The following NOXRED1 variants were observed in gnomAD, a reference collection of about 807,000 sequenced individuals.
The protein encoded by NOXRED1 is NADP-dependent oxidoreductase domain-containing protein 1.
Under a neutral mutation model 30.4 loss-of-function variants are expected in NOXRED1, and 20 were observed. That is an observed-to-expected ratio of 0.66 (90% confidence interval 0.46 to 0.96). The LOEUF is 0.96. Ranked by LOEUF, NOXRED1 falls within the 40% of genes least tolerant of loss-of-function variation. The pLI is 0.00. For missense variants in NOXRED1, 374 were observed against 428.0 expected (o/e 0.87, Z 1.11); for synonymous variants, 155 against 168.0 (o/e 0.92, Z 0.60).
rs1657122172 is a variant in NOXRED1, at chr14:77,423,068, C to G, written c.-179G>C. ...CAGATTCTGAATTTGGAATTCACCT[C>G]TCTTGAATTCACACTCTAGAGTGTG... On this transcript the variant is annotated 5_prime_UTR_variant, in exon 1 of 6. Transcript: ENST00000380835. 1 of 579,518 alleles carries G rather than the reference C, an allele frequency of 1.7e-6. No individual in the cohort carries two copies. The highest frequency in any genetic ancestry group is 3.3e-5 in the Admixed American group (1 of 29,980). 35.9% of individuals were successfully genotyped at this position (579,518 alleles called of 1,614,324 possible). A position where few individuals can be genotyped will look rare whatever the true frequency, so the allele number is the denominator to read the frequency against.
chr14:77,419,543 G>C (rs1359839220), intron 1 of NOXRED1, among the ~76,000 whole-genome samples: 4 of 149,998 alleles, frequency 2.7e-5, no homozygotes, highest in Non-Finnish European at 5.9e-5. Context: ...CCGCCTCCCG[G>C]GTTCACGCCA....
upstream of NOXRED1, among the ~76,000 whole-genome samples, chr14:77,423,687 G>C (rs1895059449): frequency 6.6e-6 from 1 of 152,116 alleles, no homozygotes; most frequent in Admixed American, 6.5e-5. Flanking sequence ...TACTACACTA[G>C]AGCAGTATGA....
At position 77,422,933 on chromosome 14, in the gene NOXRED1, G is replaced by A; in HGVS notation, c.-44C>T. Reference sequence around the variant, plus strand: ...TGCAGTGATAGACACTAATCAATTTGGCTCCCTGTCCCGGTAGAAGAGGGG... The same window carrying A: ...TGCAGTGATAGACACTAATCAATTTAGCTCCCTGTCCCGGTAGAAGAGGGG... On this transcript the variant is annotated 5_prime_UTR_variant, in exon 1 of 6. Coordinates refer to ENST00000380835, the MANE Select transcript of NOXRED1 (RefSeq NM_001113475.3). The A allele has an allele frequency of 1.3e-6, 2 of 1,562,588 alleles. No individual in the cohort carries two copies. The highest frequency in any genetic ancestry group is 1.7e-6 in the Non-Finnish European group (2 of 1,146,638).
At chr14:77,401,031 CA>C (rs774074880) in intron 5 of NOXRED1, among the ~76,000 whole-genome samples, 18 of 152,142 alleles carry the variant, frequency 1.2e-4, no homozygotes, top group Non-Finnish European at 2.6e-4. Flanking sequence ...AACGCAATGC[CA>C]ATCAAAATCC....
Position 77,394,696 on chromosome 14 carries a change from C to T in NOXRED1, c.1015G>A (p.Ala339Thr). The change falls in exon 6 of 6, where the codon GCT (alanine) becomes ACT (threonine). Residue 339 changes from alanine to threonine, a missense_variant. Ala to Thr is a moderately conservative substitution (Grantham distance 58). Transcript: ENST00000380835. ...TTGGTTAGGGAGATGCCAAATGAAG[C>T]ACAGTATAGATGGGTAAGGTGGTCT... Reference protein sequence around the residue: ...LQDHLTHLYCASFGISLTKEQ... With the variant: ...LQDHLTHLYCTSFGISLTKEQ... 1 of 1,613,240 alleles carries T rather than the reference C, an allele frequency of 6.2e-7. No individual in the cohort carries two copies.
At position 77,394,518 on chromosome 14, in the gene NOXRED1, A is replaced by G. The variant is rs1437605244; in HGVS notation, c.*113T>C. 4 of 707,040 alleles carry G rather than the reference A, an allele frequency of 5.7e-6. No homozygotes were observed. The highest frequency in any genetic ancestry group is 9.6e-6 in the Non-Finnish European group (4 of 418,106). The allele number at this position is 707,040 out of a possible 1,614,324, so 43.8% of individuals were successfully genotyped here. On this transcript the variant is annotated 3_prime_UTR_variant, in exon 6 of 6. Coordinates refer to ENST00000380835, the MANE Select transcript of NOXRED1 (RefSeq NM_001113475.3). ...AGTTTTATAATTCCTGATGTCTATC[A>G]TGTGGCAAACACAATACAGCCACAA...
intron 2 of NOXRED1, among the ~76,000 whole-genome samples, chr14:77,408,827 G>T (rs1446608212): frequency 1.4e-5 from 2 of 147,474 alleles, no homozygotes; most frequent in Non-Finnish European, 3.0e-5. Flanking sequence ...ATTTTATTAG[G>T]ATATCTATAA....
rs867522303 is a variant in NOXRED1 at position 77,414,029 on chromosome 14, C to T, written c.254G>A (p.Gly85Asp). Reference protein sequence around the residue: ...EEFKVGIIGGGHLGKQLAGTL... With the variant: ...EEFKVGIIGGDHLGKQLAGTL... The stretch of plus-strand genomic sequence containing the variant: ...GCCAGCCAGCTGCTTCCCAAGGTGG[C>T]CACCTCCAATGATGCCCACCTTAAA... The change falls in exon 2 of 6, where the codon GGC (glycine) becomes GAC (aspartate). Residue 85 changes from glycine (G) to aspartate (D), a missense_variant. Physicochemically the swap from Gly to Asp is moderately conservative, Grantham distance 94. Transcript: ENST00000380835. 4 of 1,612,050 alleles carry T rather than the reference C, an allele frequency of 2.5e-6. No individual in the cohort carries two copies. The African/African-American group carries it at 5.3e-5, about 22-fold the overall frequency.
chr14:77,406,775 C>T lies in NOXRED1; in HGVS notation c.631G>A (p.Ala211Thr). The change falls in exon 4 of 6, where the codon GCT (alanine) becomes ACT (threonine). Residue 211 changes from alanine to threonine, a missense_variant. By Grantham distance (58) the Ala-to-Thr change is moderately conservative. Transcript: ENST00000380835. ...VWGANKGVIA[A>T]LQDPTILQAT... The stretch of plus-strand genomic sequence containing the variant: ...TGAAGAATCGTAGGATCTTGGAGAG[C>T]AGCTATGACTCCCTTATTGGCCCCC... 6.2e-7 allele frequency: 1 copy of T among 1,614,032 alleles called. No individual in the cohort carries two copies. The highest frequency in any genetic ancestry group is 8.5e-7 in the Non-Finnish European group (1 of 1,179,910).
chr14:77,398,970 AAAAC>A (rs1231785676), intron 5 of NOXRED1, among the ~76,000 whole-genome samples: 5 of 152,162 alleles, frequency 3.3e-5, no homozygotes, highest in Non-Finnish European at 5.9e-5. Context: ...CTCCGTCTCA[AAAAC>A]AAACAAAAAA....
intron 5 of NOXRED1, among the ~76,000 whole-genome samples, chr14:77,405,420 A>G (rs1894431224): frequency 6.6e-6 from 1 of 152,152 alleles, no homozygotes; most frequent in Non-Finnish European, 1.5e-5. Flanking sequence ...AAAATAAAGA[A>G]TGTCAAAGCA....
rs150671980 is a variant in NOXRED1, at chr14:77,402,416, G to A, written c.905+3497C>T. Among the ~76,000 whole-genome samples, 601 of 151,998 alleles carry A rather than the reference G, an allele frequency of 4.0e-3. 3 individuals are homozygous for A. The highest frequency in any genetic ancestry group is 0.013 in the African/African-American group (558 of 41,506). On this transcript the variant is annotated intron_variant, in intron 5 of 5. Transcript: ENST00000380835. ...CAAGGTGAGCGGATCACCTGAGGTCGGGAGTTCAAGACCAGCCTGACTAAC... is the reference window on the plus strand; with the variant it reads ...CAAGGTGAGCGGATCACCTGAGGTCAGGAGTTCAAGACCAGCCTGACTAAC...
At position 77,419,208 on chromosome 14, in the gene NOXRED1, G is replaced by T. The variant is rs181931614; in HGVS notation, c.155+3527C>A. 6.7e-4 allele frequency among the ~76,000 whole-genome samples: 102 copies of T among 151,764 alleles called. 2 individuals are homozygous for T. Among genetic ancestry groups the T allele is most frequent in the African/African-American group, 1.9e-3 (79 of 41,378 alleles). ...CTGCCTCAGCCTCCCAAGTATCTGG[G>T]ATTACAGGTACCTGCCACCATGCCC... On this transcript the variant is annotated intron_variant, in intron 1 of 5. Coordinates refer to ENST00000380835, the MANE Select transcript of NOXRED1 (RefSeq NM_001113475.3).
chr14:77,421,056 C>T (rs1199980589), intron 1 of NOXRED1, among the ~76,000 whole-genome samples: 1 of 152,192 alleles, frequency 6.6e-6, no homozygotes, highest in Non-Finnish European at 1.5e-5. Context: ...GAGACAGAAA[C>T]CAATCCCTCA....
chr14:77,398,458 A>G (rs1043664762), intron 5 of NOXRED1, among the ~76,000 whole-genome samples: 1 of 152,174 alleles, frequency 6.6e-6, no homozygotes, highest in East Asian at 1.9e-4. Context: ...GGGAAGAGAA[A>G]TAGCCAGTTC....
chr14:77,412,258 T>TA (rs1894680456), intron 2 of NOXRED1, among the ~76,000 whole-genome samples: 1 of 152,126 alleles, frequency 6.6e-6, no homozygotes, highest in Non-Finnish European at 1.5e-5. Flanking sequence ...TATACAACCT[T>TA]AAAATCTATT....
chr14:77,425,138 T>C (rs1323495320), upstream of NOXRED1, among the ~76,000 whole-genome samples: 2 of 152,154 alleles, frequency 1.3e-5, no homozygotes, highest in Non-Finnish European at 2.9e-5. Flanking sequence ...CTTCTCATGG[T>C]TTCTAGCTTG....
chr14:77,424,233 T>C (rs910013892), upstream of NOXRED1, among the ~76,000 whole-genome samples: 1 of 152,166 alleles, frequency 6.6e-6, no homozygotes, highest in African/African-American at 2.4e-5. Flanking sequence ...GGCGGATCGC[T>C]TGAGGTCAGG....
intron 1 of NOXRED1, among the ~76,000 whole-genome samples, chr14:77,418,612 C>T (rs971096342): frequency 5.9e-5 from 9 of 152,012 alleles, no homozygotes; most frequent in African/African-American, 2.2e-4. Flanking sequence ...TCACTGCAGC[C>T]TCTACTTTCC....
Sources: gnomAD v4.1 joint callset for allele counts (sites outside exome capture counted in the v4.1 genomes callset) on GRCh38, gnomAD v4.1.1 for gene constraint, MANE v1.5 for transcripts, NCBI Gene and HGNC (gene_info 2026-07-23, HGNC 2026-07-21) for gene names.